The following KIAA1549L variants were observed in gnomAD, a reference collection of about 807,000 sequenced individuals.
KIAA1549L encodes the protein UPF0606 protein KIAA1549L.
In KIAA1549L, 88 loss-of-function variants were observed where a neutral mutation model predicts 160.7. That is an observed-to-expected ratio of 0.55 (90% confidence interval 0.46 to 0.65). The LOEUF is 0.65. Ranked by LOEUF, KIAA1549L falls within the 30% of genes least tolerant of loss-of-function variation. KIAA1549L has a pLI of 0.00. For missense variants in KIAA1549L, 2,258 were observed against 2,437.5 expected (o/e 0.93, Z 1.55); for synonymous variants, 950 against 976.7 (o/e 0.97, Z 0.51).
chr11:33,526,833 A>G (rs1302812263), intron 1 of KIAA1549L, among the ~76,000 whole-genome samples: 2 of 152,240 alleles, frequency 1.3e-5, no homozygotes, highest in Non-Finnish European at 2.9e-5. Flanking sequence ...TAAAGAAGTC[A>G]GAAAGTTGAT....
In KIAA1549L at chr11:33,649,505, TAAA is replaced by T. The variant is rs34818689; in HGVS notation, c.5760+3489_5760+3491del. 1.2e-3 allele frequency among the ~76,000 whole-genome samples: 154 copies of T among 124,756 alleles called. 2 individuals are homozygous for T. The highest frequency in any genetic ancestry group is 1.7e-3 in the Admixed American group (21 of 12,248). The allele number at this position is 124,756 out of a possible 152,430, so 81.8% of individuals were successfully genotyped here. A position where few individuals can be genotyped will look rare whatever the true frequency, so the allele number is the denominator to read the frequency against. On this transcript the variant is annotated intron_variant, in intron 17 of 20. Coordinates refer to ENST00000658780, the MANE Select transcript of KIAA1549L (RefSeq NM_012194.3). ...ATAGAGCAAGACCTTGTCTCTATTGTAAAAAAAAAAAAAAAAAAAAAAGAAGCA... is the reference window on the plus strand; with the variant it reads ...ATAGAGCAAGACCTTGTCTCTATTGTAAAAAAAAAAAAAAAAAAAGAAGCA...
chr11:33,385,150 A>C (rs778545115), intron 1 of KIAA1549L, among the ~76,000 whole-genome samples: 4 of 152,096 alleles, frequency 2.6e-5, no homozygotes, highest in Non-Finnish European at 5.9e-5. Flanking sequence ...TATGGTGCAA[A>C]GTAAGAATCA....
intron 1 of KIAA1549L, among the ~76,000 whole-genome samples, chr11:33,531,939 A>G (rs1185208934): frequency 2.0e-5 from 3 of 152,122 alleles, no homozygotes; most frequent in East Asian, 1.9e-4. Context: ...CACATCATCA[A>G]ACTCTGAAGA....
At chr11:33,561,631 AT>A in intron 7 of KIAA1549L, 44 bp from the exon 8 acceptor site, 1 of 1,407,054 alleles carries the variant, frequency 7.1e-7, no homozygotes, top group Non-Finnish European at 1.0e-6. Flanking sequence ...AACGAAACAA[AT>A]CAAACCTATA....
At chr11:33,378,877 C>G (rs1033560382) in intron 1 of KIAA1549L, among the ~76,000 whole-genome samples, 2 of 152,148 alleles carry the variant, frequency 1.3e-5, no homozygotes, top group Non-Finnish European at 2.9e-5. Flanking sequence ...CAGTTTCACC[C>G]CAGGGTAGGT....
Position 33,545,265 on chromosome 11 carries a change from G to A in KIAA1549L, c.3272G>A (p.Arg1091Gln), listed in dbSNP as rs1319585370. 5.0e-6 allele frequency: 8 copies of A among 1,614,008 alleles called. No individual in the cohort carries two copies. Among genetic ancestry groups the A allele is most frequent in the Non-Finnish European group, 5.9e-6 (7 of 1,179,898 alleles). Residue 1091 changes from arginine (R) to glutamine (Q), a missense_variant, in exon 3 of 21, where the codon CGA becomes CAA. This residue lies in a region of KIAA1549L where 1,359 missense variants were observed against 1,546.6 expected (regional missense o/e 0.88). Coordinates refer to ENST00000658780, the MANE Select transcript of KIAA1549L (RefSeq NM_012194.3). ...SVKATRLPPL[R>Q]AENTDAVLPA... Reference sequence around the variant, plus strand: ...AAGGCCACCCGGTTGCCACCATTGCGAGCAGAAAACACAGATGCTGTCCTT... The same window carrying A: ...AAGGCCACCCGGTTGCCACCATTGCAAGCAGAAAACACAGATGCTGTCCTT...
chr11:33,646,124 G>A (rs1205274601), intron 17 of KIAA1549L, 88 bp downstream of exon 17: 1 of 1,011,964 alleles, frequency 9.9e-7, no homozygotes, highest in African/African-American at 1.6e-5. Context: ...GGCTTCTACA[G>A]ATAAAAAGCT....
At chr11:33,532,286 G>A (rs1344408310) in intron 1 of KIAA1549L, among the ~76,000 whole-genome samples, 1 of 152,192 alleles carries the variant, frequency 6.6e-6, no homozygotes, top group African/African-American at 2.4e-5. Flanking sequence ...TTGAGATTCT[G>A]ACAATCCATG....
intron 3 of KIAA1549L, among the ~76,000 whole-genome samples, chr11:33,545,968 T>C (rs1013380045): frequency 2.6e-5 from 4 of 152,216 alleles, no homozygotes; most frequent in African/African-American, 9.6e-5. Context: ...AGGATTTCTT[T>C]TGATGTTAGA....
At chr11:33,649,343 GA>G (rs545884059) in intron 17 of KIAA1549L, among the ~76,000 whole-genome samples, 4,447 of 102,766 alleles carry the variant, frequency 0.043, 75 homozygotes, top group Middle Eastern at 0.056. Context: ...CTCTACGGGG[GA>G]AAAAAAAAAA....
At chr11:33,463,044 GTC>G (rs999526523) in intron 1 of KIAA1549L, among the ~76,000 whole-genome samples, 2 of 152,012 alleles carry the variant, frequency 1.3e-5, no homozygotes, top group African/African-American at 4.8e-5. Flanking sequence ...GGCCAGGCTG[GTC>G]TTGAACTCCC....
intron 16 of KIAA1549L, among the ~76,000 whole-genome samples, chr11:33,624,908 C>T (rs145198447): frequency 8.5e-6 from 1 of 117,046 alleles, no homozygotes; most frequent in African/African-American, 3.2e-5. Context: ...TCCCTCCCCC[C>T]TCCCCCCACC....
At chr11:33,497,326 A>G (rs1402332001) in intron 1 of KIAA1549L, among the ~76,000 whole-genome samples, 2 of 152,170 alleles carry the variant, frequency 1.3e-5, no homozygotes, top group Non-Finnish European at 2.9e-5. Context: ...ACATTCACCA[A>G]CTAACTTAAG....
intron 1 of KIAA1549L, among the ~76,000 whole-genome samples, chr11:33,516,616 T>C (rs1372217850): frequency 6.6e-6 from 1 of 152,240 alleles, no homozygotes; most frequent in East Asian, 1.9e-4. Context: ...TATTCCTAAT[T>C]CTCTGAAGTT....
chr11:33,627,710 A>G (rs574158423), intron 16 of KIAA1549L, among the ~76,000 whole-genome samples: 1 of 152,212 alleles, frequency 6.6e-6, no homozygotes, highest in African/African-American at 2.4e-5. Flanking sequence ...AAATCTATCA[A>G]TTTTGTTGAT....
chr11:33,415,976 G>A (rs192777304), intron 1 of KIAA1549L, among the ~76,000 whole-genome samples: 1 of 152,044 alleles, frequency 6.6e-6, no homozygotes, highest in Admixed American at 6.6e-5. Context: ...TGTCAAGGCT[G>A]CAGTGGGATG....
intron 1 of KIAA1549L, among the ~76,000 whole-genome samples, chr11:33,470,241 A>G (rs569399244): frequency 3.9e-5 from 6 of 152,194 alleles, no homozygotes; most frequent in Admixed American, 3.3e-4. Context: ...GTGGGTATCA[A>G]TTGTCCCAGC....
At chr11:33,613,866 A>G (rs1785511976) in intron 15 of KIAA1549L, among the ~76,000 whole-genome samples, 1 of 152,148 alleles carries the variant, frequency 6.6e-6, no homozygotes, top group South Asian at 2.1e-4. Context: ...AAATCAGAAC[A>G]CTTCATTTTT....
At chr11:33,550,168 T>C (rs1854410660) in intron 4 of KIAA1549L, among the ~76,000 whole-genome samples, 1 of 151,786 alleles carries the variant, frequency 6.6e-6, no homozygotes, top group South Asian at 2.1e-4. Context: ...AACAGCACAC[T>C]AAAAAATAGT....
Sources: allele counts gnomAD v4.1 joint callset (sites outside exome capture counted in the v4.1 genomes callset), GRCh38; gene constraint gnomAD v4.1.1; regional missense constraint gnomAD v4.1.1; transcripts MANE v1.5; gene names NCBI Gene and HGNC (gene_info 2026-07-23, HGNC 2026-07-21).